Variants in NOP58 observed in about 807,000 individuals in gnomAD.
NOP58 encodes NOP58 ribonucleoprotein.
In NOP58, 44 loss-of-function variants were observed where a neutral mutation model predicts 71.2. That is an observed-to-expected ratio of 0.62 (90% CI 0.49 to 0.79). The LOEUF is 0.79. Among genes scored for constraint, NOP58 ranks in the 30% least tolerant of loss-of-function variants. The pLI is 0.00. For synonymous variants in NOP58, 228 were observed against 200.3 expected (o/e 1.14, Z -1.17); for missense variants, 538 against 620.2 (o/e 0.87, Z 1.41).
At chr2:202,284,231 C>T (rs892022892) in intron 4 of NOP58, 114 bp from the exon 5 acceptor site, 1 of 796,434 alleles carries the variant, frequency 1.3e-6, no homozygotes, top group African/African-American at 1.8e-5. Flanking sequence ...CAAGATTGCG[C>T]CACTGCACTC....
At position 202,291,186 on chromosome 2, in the gene NOP58, A is replaced by G. The variant is rs1688882823; in HGVS notation, c.696A>G (p.Ala232=). The change falls in exon 8 of 15, where the codon GCA becomes GCG. Residue 232 remains alanine, a synonymous_variant. Coordinates refer to ENST00000264279, the MANE Select transcript of NOP58 (RefSeq NM_015934.5). ...LSELLPEEVE[A]EVKAAAEISM... Reference sequence around the variant, plus strand: ...AGTTGCTGCCAGAAGAAGTTGAAGCAGAAGTGAAAGCAGCTGCAGAGATAT... The same window carrying G: ...AGTTGCTGCCAGAAGAAGTTGAAGCGGAAGTGAAAGCAGCTGCAGAGATAT... The G allele has an allele frequency of 6.2e-7, 1 of 1,613,350 alleles. No individual in the cohort carries two copies. Among genetic ancestry groups the G allele is most frequent in the Non-Finnish European group, 8.5e-7 (1 of 1,179,718 alleles).
intron 12 of NOP58, among the ~76,000 whole-genome samples, chr2:202,298,257 C>G (rs572934302): frequency 6.6e-6 from 1 of 152,310 alleles, no homozygotes; most frequent in South Asian, 2.1e-4. Context: ...GCATTAACTT[C>G]TACTAGTTTT....
At position 202,284,371 on chromosome 2, in the gene NOP58, T is replaced by C; in HGVS notation, c.324T>C (p.His108=). The change falls in exon 5 of 15, where the codon CAT becomes CAC. Residue 108 remains histidine (H), a synonymous_variant. Coordinates refer to ENST00000264279, the MANE Select transcript of NOP58 (RefSeq NM_015934.5). ...AAAAGCTGAATCTCAGTTGTATCCA[T>C]AGTCCTGTTGTTAATGAACTTATGA... The part of the protein sequence containing the change: ...IKEKLNLSCI[H]SPVVNELMRG... 3.7e-6 allele frequency: 6 copies of C among 1,612,708 alleles called. No individual in the cohort carries two copies. Among genetic ancestry groups the C allele is most frequent in the Non-Finnish European group, 5.1e-6 (6 of 1,178,834 alleles).
In NOP58 at chr2:202,292,802, C is replaced by T. The variant is rs750039889; in HGVS notation, c.806C>T (p.Thr269Ile). ...GTGATTGAAATCTCTGAATATCGAACCCAGCTCTATGAATATCTACAAAAT... is the reference window on the plus strand; with the variant it reads ...GTGATTGAAATCTCTGAATATCGAATCCAGCTCTATGAATATCTACAAAAT... ...TQVIEISEYRTQLYEYLQNRM... is the reference protein window; with the variant it reads ...TQVIEISEYRIQLYEYLQNRM... Residue 269 changes from threonine to isoleucine, a missense_variant, in exon 9 of 15, where the codon ACC (threonine) becomes ATC (isoleucine). Coordinates refer to ENST00000264279, the MANE Select transcript of NOP58 (RefSeq NM_015934.5). 3.1e-6 allele frequency: 5 copies of T among 1,611,748 alleles called. No individual in the cohort carries two copies. The highest frequency in any genetic ancestry group is 4.2e-6 in the Non-Finnish European group (5 of 1,177,984).
At chr2:202,282,998 G>A (rs1172285651) in intron 4 of NOP58, among the ~76,000 whole-genome samples, 2 of 152,082 alleles carry the variant, frequency 1.3e-5, no homozygotes, top group Non-Finnish European at 2.9e-5. Context: ...AGTATCACGA[G>A]GTCAGCAGAT....
At chr2:202,297,295 T>C in intron 10 of NOP58, 84 bp from the exon 11 acceptor site, 1 of 1,289,110 alleles carries the variant, frequency 7.8e-7, no homozygotes, top group Non-Finnish European at 1.1e-6. Flanking sequence ...ATAATAGTTT[T>C]ATAACTCCTG....
At chr2:202,271,881 C>T (rs991314415) in intron 1 of NOP58, among the ~76,000 whole-genome samples, 2 of 152,080 alleles carry the variant, frequency 1.3e-5, no homozygotes, top group African/African-American at 2.4e-5. Flanking sequence ...GAGTTTGAAG[C>T]TGTAGTGACA....
intron 13 of NOP58, among the ~76,000 whole-genome samples, chr2:202,301,639 A>G (rs1221866484): frequency 3.3e-5 from 5 of 152,114 alleles, no homozygotes. Context: ...TTAAATCTAA[A>G]TTTGTTCCAG....
At chr2:202,267,078 C>A (rs1053086999) in intron 1 of NOP58, among the ~76,000 whole-genome samples, 1 of 152,138 alleles carries the variant, frequency 6.6e-6, no homozygotes, top group Non-Finnish European at 1.5e-5. Context: ...AATGGTAAGA[C>A]ATTCGTATCG....
chr2:202,300,952 G>A (rs373945642), intron 13 of NOP58, among the ~76,000 whole-genome samples: 1 of 152,146 alleles, frequency 6.6e-6, no homozygotes, highest in African/African-American at 2.4e-5. Context: ...CTTTAACTTG[G>A]TTTCTAAGTA....
chr2:202,282,574 A>G (rs1688724184), intron 4 of NOP58, 102 bp downstream of exon 4: 1 of 1,219,914 alleles, frequency 8.2e-7, no homozygotes, highest in South Asian at 1.7e-5. Flanking sequence ...TAAATTCTCA[A>G]TACATTTTTT....
At chr2:202,277,578 A>T (rs1181787763) in intron 2 of NOP58, among the ~76,000 whole-genome samples, 1 of 152,152 alleles carries the variant, frequency 6.6e-6, no homozygotes, top group Non-Finnish European at 1.5e-5. Flanking sequence ...AGACAAATGA[A>T]TATCATGAGA....
intron 2 of NOP58, chr2:202,276,400 A>C (rs764403594): frequency 4.5e-6 from 2 of 447,280 alleles, no homozygotes; most frequent in Non-Finnish European, 9.3e-6. Flanking sequence ...TTCCTTCTTA[A>C]AGGGTTATAT....
chr2:202,282,474 T>A lies in NOP58; in HGVS notation c.297+2T>A, dbSNP rs1397731568. The A allele has an allele frequency of 6.2e-7, 1 of 1,605,370 alleles. No homozygotes were observed. The highest frequency in any genetic ancestry group is 8.5e-7 in the Non-Finnish European group (1 of 1,178,066). Reference sequence around the variant, plus strand: ...GCTAAACTAGGAGGGGTCATAAAGGTAAAGTCACGATATTTTTGGTCATGC... The same window carrying A: ...GCTAAACTAGGAGGGGTCATAAAGGAAAAGTCACGATATTTTTGGTCATGC... On this transcript the variant is annotated splice_donor_variant, in intron 4 of 14. Transcript: ENST00000264279. LOFTEE classifies it high-confidence loss of function.
intron 13 of NOP58, among the ~76,000 whole-genome samples, 155 bp downstream of exon 13, chr2:202,300,522 T>C (rs906945463): frequency 6.6e-6 from 1 of 152,210 alleles, no homozygotes; most frequent in Non-Finnish European, 1.5e-5. Flanking sequence ...TCTCTGGGAA[T>C]ATGATATTGT....
chr2:202,303,311 T>G, intron 14 of NOP58, 75 bp from the exon 15 acceptor site: 1 of 1,576,546 alleles, frequency 6.3e-7, no homozygotes, highest in East Asian at 2.2e-5. Flanking sequence ...ATAGGTGGGG[T>G]TTTTATATTT....
intron 9 of NOP58, among the ~76,000 whole-genome samples, chr2:202,294,887 C>T (rs146144581): frequency 0.011 from 1,746 of 152,090 alleles, 17 homozygotes; most frequent in Non-Finnish European, 0.018. Context: ...ATTGCTTAAA[C>T]CCGGGAGGCG....
At chr2:202,291,707 T>C (rs994334924) in intron 8 of NOP58, among the ~76,000 whole-genome samples, 1 of 144,486 alleles carries the variant, frequency 6.9e-6, no homozygotes, top group South Asian at 2.1e-4. Context: ...CTCGGGAGGC[T>C]GAGACAGGAG....
chr2:202,269,259 C>A (rs1688475187), intron 1 of NOP58, among the ~76,000 whole-genome samples: 1 of 150,340 alleles, frequency 6.7e-6, no homozygotes, highest in Non-Finnish European at 1.5e-5. Flanking sequence ...GCAACCTCCG[C>A]CTCCTGGGTT....
Sources: gnomAD v4.1 joint callset for allele counts (sites outside exome capture counted in the v4.1 genomes callset) on GRCh38, gnomAD v4.1.1 for gene constraint, MANE v1.5 for transcripts, NCBI Gene and HGNC (gene_info 2026-07-23, HGNC 2026-07-21) for gene names.